GABRB1: variants seen among roughly 807,000 people sequenced by gnomAD.
GABRB1 encodes gamma-aminobutyric acid receptor subunit beta-1.
Under a neutral mutation model 51.6 loss-of-function variants are expected in GABRB1, and 17 were observed. The observed-to-expected ratio is 0.33, with a 90% CI of 0.23 to 0.49. GABRB1 has a LOEUF of 0.49. Ranked by LOEUF, GABRB1 falls within the 20% of genes least tolerant of loss-of-function variation. The probability of loss-of-function intolerance (pLI) is 0.99; values close to 1 mark genes in which losing one functional copy is unlikely to be tolerated. For missense variants in GABRB1, 410 were observed against 600.6 expected (o/e 0.68, Z 3.32); for synonymous variants, 247 against 218.9 (o/e 1.13, Z -1.14).
intron 4 of GABRB1, among the ~76,000 whole-genome samples, chr4:47,310,650 G>T (rs1226653939): frequency 6.6e-6 from 1 of 152,090 alleles, no homozygotes; most frequent in Non-Finnish European, 1.5e-5. Context: ...CATAGACTAT[G>T]TAAACTTGGA....
intron 4 of GABRB1, among the ~76,000 whole-genome samples, chr4:47,295,321 G>A (rs1443601687): frequency 6.6e-6 from 1 of 152,084 alleles, no homozygotes; most frequent in African/African-American, 2.4e-5. Flanking sequence ...AGCTACAGGA[G>A]GAAATTCAAA....
At chr4:47,340,599 TG>T (rs1725850901) in intron 5 of GABRB1, among the ~76,000 whole-genome samples, 1 of 152,146 alleles carries the variant, frequency 6.6e-6, no homozygotes, top group African/African-American at 2.4e-5. Flanking sequence ...GCTGGATCTC[TG>T]GGGTCTCTTC....
At chr4:47,148,906 G>C (rs1027912769) in intron 3 of GABRB1, among the ~76,000 whole-genome samples, 1 of 151,846 alleles carries the variant, frequency 6.6e-6, no homozygotes, top group African/African-American at 2.4e-5. Flanking sequence ...GTCAGCCTTG[G>C]GCAACAGATA....
At chr4:47,251,987 C>T (rs548562015) in intron 4 of GABRB1, among the ~76,000 whole-genome samples, 2 of 152,276 alleles carry the variant, frequency 1.3e-5, no homozygotes, top group African/African-American at 2.4e-5. Context: ...TTCACGCCCT[C>T]CCTTGAGTTC....
chr4:47,169,688 A>G (rs1184030683), intron 4 of GABRB1, among the ~76,000 whole-genome samples: 1 of 151,942 alleles, frequency 6.6e-6, no homozygotes, highest in Non-Finnish European at 1.5e-5. Flanking sequence ...TTTTTGTAGA[A>G]ACGGGGTTTC....
intron 4 of GABRB1, among the ~76,000 whole-genome samples, chr4:47,254,960 C>T (rs1305489767): frequency 6.6e-6 from 1 of 152,178 alleles, no homozygotes; most frequent in Admixed American, 6.5e-5. Flanking sequence ...ACAATTCTGC[C>T]TATTTGCTCA....
chr4:47,356,323 T>C (rs561180638), intron 5 of GABRB1, among the ~76,000 whole-genome samples: 3 of 152,322 alleles, frequency 2.0e-5, no homozygotes, highest in Admixed American at 6.5e-5. Flanking sequence ...ATTTTCATGA[T>C]ACAAAATTTT....
chr4:47,128,119 A>G (rs1454666094), intron 3 of GABRB1, among the ~76,000 whole-genome samples: 1 of 151,830 alleles, frequency 6.6e-6, no homozygotes, highest in African/African-American at 2.4e-5. Flanking sequence ...TAAAGATGTT[A>G]AAATAGAATA....
At chr4:47,111,522 G>T (rs929271496) in intron 3 of GABRB1, among the ~76,000 whole-genome samples, 4 of 151,984 alleles carry the variant, frequency 2.6e-5, no homozygotes, top group African/African-American at 4.8e-5. Flanking sequence ...CTTGAAATCG[G>T]TGCCTAATCT....
At chr4:47,379,049 A>G (rs193224366) in intron 5 of GABRB1, among the ~76,000 whole-genome samples, 84 of 152,300 alleles carry the variant, frequency 5.5e-4, no homozygotes, top group African/African-American at 2.0e-3. Context: ...TTAACAATGC[A>G]ATGTGAGATG....
intron 1 of GABRB1, among the ~76,000 whole-genome samples, chr4:47,016,583 A>ATTTT (rs1463754421): frequency 6.6e-6 from 1 of 151,816 alleles, no homozygotes; most frequent in Non-Finnish European, 1.5e-5. Flanking sequence ...TTATTTATTT[A>ATTTT]TTTATCTATC....
intron 3 of GABRB1, among the ~76,000 whole-genome samples, chr4:47,138,217 C>G (rs1256475817): frequency 1.3e-5 from 2 of 151,968 alleles, no homozygotes; most frequent in African/African-American, 4.8e-5. Context: ...TTGTAGATGT[C>G]TCAATAGTGA....
At chr4:47,172,218 C>G (rs1560570279) in intron 4 of GABRB1, among the ~76,000 whole-genome samples, 1 of 152,038 alleles carries the variant, frequency 6.6e-6, no homozygotes, top group Admixed American at 6.6e-5. Context: ...TGATAAGTAC[C>G]ATTAAAATAC....
intron 1 of GABRB1, among the ~76,000 whole-genome samples, chr4:46,996,361 A>T (rs2092093945): frequency 6.6e-6 from 1 of 152,136 alleles, no homozygotes; most frequent in South Asian, 2.1e-4. Flanking sequence ...TAAGCCAGTC[A>T]CATTTTATAA....
At chr4:47,046,122 T>C (rs983498612) in intron 3 of GABRB1, among the ~76,000 whole-genome samples, 2 of 152,084 alleles carry the variant, frequency 1.3e-5, no homozygotes, top group African/African-American at 4.8e-5. Flanking sequence ...CCGGCCACTC[T>C]GTGAAGAGGT....
chr4:47,222,566 G>C (rs1272211709), intron 4 of GABRB1, among the ~76,000 whole-genome samples: 1 of 152,078 alleles, frequency 6.6e-6, no homozygotes, highest in African/African-American at 2.4e-5. Flanking sequence ...CAGTCCAGCA[G>C]ACAGCTAGCA....
chr4:47,150,065 A>G (rs145093858), intron 3 of GABRB1, among the ~76,000 whole-genome samples: 5 of 152,056 alleles, frequency 3.3e-5, no homozygotes, highest in Non-Finnish European at 7.4e-5. Flanking sequence ...GGAGCAGGCT[A>G]TGGTCTTATT....
At chr4:47,387,238 G>C (rs1322633447) in intron 5 of GABRB1, among the ~76,000 whole-genome samples, 1 of 152,186 alleles carries the variant, frequency 6.6e-6, no homozygotes, top group African/African-American at 2.4e-5. Context: ...AAGACGGGTG[G>C]ATCACCTGAG....
At chr4:47,138,187 A>C (rs957957522) in intron 3 of GABRB1, among the ~76,000 whole-genome samples, 1 of 152,032 alleles carries the variant, frequency 6.6e-6, no homozygotes, top group African/African-American at 2.4e-5. Flanking sequence ...GGAAGTAGCA[A>C]ATTTGCCCAT....
Sources: gnomAD v4.1 joint callset for allele counts (sites outside exome capture counted in the v4.1 genomes callset) on GRCh38, gnomAD v4.1.1 for gene constraint, MANE v1.5 for transcripts, NCBI Gene and HGNC (gene_info 2026-07-23, HGNC 2026-07-21) for gene names.